FAM168B: variants seen among roughly 807,000 people sequenced by gnomAD.
FAM168B encodes the protein family with sequence similarity 168 member B.
Under a neutral mutation model 21.8 loss-of-function variants are expected in FAM168B, and 19 were observed. The observed-to-expected ratio is 0.87, with a 90% CI of 0.61 to 1.28. The LOEUF is 1.28. Among genes scored for constraint, FAM168B ranks in the 50% most tolerant of loss-of-function variants. FAM168B has a pLI of 0.00. For missense variants in FAM168B, 233 were observed against 263.1 expected (o/e 0.89, Z 0.79); for synonymous variants, 126 against 104.8 (o/e 1.20, Z -1.24).
chr2:131,071,824 C>T (rs774074204), intron 3 of FAM168B, 31 bp downstream of exon 3: 16 of 1,580,128 alleles, frequency 1.0e-5, no homozygotes, highest in African/African-American at 5.4e-5. Context: ...CCCAGCTGTA[C>T]GTACAAAGCA....
chr2:131,078,006 C>T (rs1276579867), intron 2 of FAM168B, among the ~76,000 whole-genome samples: 1 of 152,192 alleles, frequency 6.6e-6, no homozygotes, highest in Non-Finnish European at 1.5e-5. Context: ...TGAAATGCAT[C>T]TAAGCCCAGC....
chr2:131,074,433 C>T lies in FAM168B; in HGVS notation c.71-2495G>A, dbSNP rs115076981. Among the ~76,000 whole-genome samples the T allele has an allele frequency of 5.6e-3, 851 of 152,212 alleles. 5 individuals carry two copies. The highest frequency in any genetic ancestry group is 0.019 in the African/African-American group (780 of 41,534). On this transcript the variant is annotated intron_variant, in intron 2 of 6. Coordinates refer to ENST00000389915, the MANE Select transcript of FAM168B (RefSeq NM_001009993.4). ...TGAGCCACTGCACCTGGCCAGAAAG[C>T]GTTCTTTCTATTTGGGGCACACAGC...
At chr2:131,080,716 C>T (rs1693389888) in intron 2 of FAM168B, among the ~76,000 whole-genome samples, 1 of 150,604 alleles carries the variant, frequency 6.6e-6, no homozygotes, top group Admixed American at 6.6e-5. Context: ...GTCGCCCAGG[C>T]TGGAGTGCAG....
chr2:131,055,118 A>G (rs971629856), intron 5 of FAM168B, among the ~76,000 whole-genome samples, 154 bp downstream of exon 5: 1 of 152,206 alleles, frequency 6.6e-6, no homozygotes, highest in Admixed American at 6.5e-5. Context: ...AAAATAAAAG[A>G]TAACCTGCTG....
chr2:131,091,059 T>A (rs7568668), intron 1 of FAM168B, among the ~76,000 whole-genome samples: 1 of 152,106 alleles, frequency 6.6e-6, no homozygotes, highest in Admixed American at 6.5e-5. Flanking sequence ...AGAAGCTGGA[T>A]ACGGTGGCTC....
intron 2 of FAM168B, among the ~76,000 whole-genome samples, chr2:131,076,137 CTTTT>C (rs1182230618): frequency 1.3e-5 from 2 of 152,200 alleles, no homozygotes; most frequent in African/African-American, 2.4e-5. Flanking sequence ...GCACCAGCCT[CTTTT>C]TTCTCATTCT....
chr2:131,089,509 G>A (rs1302827639), intron 1 of FAM168B, among the ~76,000 whole-genome samples: 13 of 150,950 alleles, frequency 8.6e-5, no homozygotes, highest in Admixed American at 8.6e-4. Flanking sequence ...AAGGCGGGTG[G>A]ATCACAAGGT....
intron 1 of FAM168B, among the ~76,000 whole-genome samples, chr2:131,092,004 C>A (rs7563769): frequency 0.014 from 2,163 of 150,986 alleles, 59 homozygotes; most frequent in African/African-American, 0.049. Flanking sequence ...ATTAGCCAGG[C>A]GTGGTGGCGG....
At chr2:131,072,298 A>G (rs1353903779) in intron 2 of FAM168B, among the ~76,000 whole-genome samples, 2 of 150,972 alleles carry the variant, frequency 1.3e-5, no homozygotes, top group Non-Finnish European at 2.9e-5. Context: ...TAATTTTTCT[A>G]TTTTTAGTAG....
At chr2:131,089,894 T>C (rs973978316) in intron 1 of FAM168B, among the ~76,000 whole-genome samples, 1 of 149,230 alleles carries the variant, frequency 6.7e-6, no homozygotes, top group African/African-American at 2.5e-5. Flanking sequence ...TAGCCAGCGG[T>C]GGTGGTGCAC....
rs1241459680 is a variant in FAM168B at position 131,052,870 on chromosome 2, C to T, written c.*12+21G>A. The T allele has an allele frequency of 3.9e-6, 6 of 1,547,272 alleles. No individual in the cohort carries two copies. The African/African-American group carries it at 8.2e-5, about 21-fold the overall frequency. ...AATGCCCTTTCATCAAAGGCTAGCC[C>T]AGCCTTCCCTGGTCACTTACATTTG... On this transcript the variant is annotated intron_variant, in intron 6 of 6. Coordinates refer to ENST00000389915, the MANE Select transcript of FAM168B (RefSeq NM_001009993.4).
chr2:131,086,841 G>T (rs565068903), intron 1 of FAM168B, among the ~76,000 whole-genome samples: 1 of 129,898 alleles, frequency 7.7e-6, no homozygotes, highest in Non-Finnish European at 1.5e-5. Context: ...CGAGGCGGGC[G>T]GATCACGAGG....
intron 3 of FAM168B, among the ~76,000 whole-genome samples, chr2:131,064,889 G>A (rs1358782739): frequency 2.6e-5 from 4 of 152,132 alleles, no homozygotes; most frequent in East Asian, 1.9e-4. Flanking sequence ...TCAACACATC[G>A]GGGGTAGCTG....
chr2:131,054,270 A>G (rs1332569692), intron 5 of FAM168B, among the ~76,000 whole-genome samples: 1 of 151,946 alleles, frequency 6.6e-6, no homozygotes, highest in African/African-American at 2.4e-5. Context: ...ATTCTAAACT[A>G]CATGAGCTTC....
intron 5 of FAM168B, among the ~76,000 whole-genome samples, chr2:131,054,250 A>G (rs1402202113): frequency 6.6e-6 from 1 of 151,506 alleles, no homozygotes; most frequent in Admixed American, 6.6e-5. Flanking sequence ...AAAAAAAAAA[A>G]GAAATGAGGA....
At chr2:131,065,060 CG>C (rs1161720424) in intron 3 of FAM168B, among the ~76,000 whole-genome samples, 1 of 152,102 alleles carries the variant, frequency 6.6e-6, no homozygotes, top group Non-Finnish European at 1.5e-5. Context: ...AGTGCTGATG[CG>C]GCCACAATAA....
At chr2:131,075,275 TAA>T (rs1172103189) in intron 2 of FAM168B, among the ~76,000 whole-genome samples, 9 of 144,170 alleles carry the variant, frequency 6.2e-5, no homozygotes, top group Non-Finnish European at 4.6e-5. Context: ...TTCCTTCTTT[TAA>T]AAAAAAAAAA....
chr2:131,066,640 A>C (rs1692574935), intron 3 of FAM168B, among the ~76,000 whole-genome samples: 1 of 152,238 alleles, frequency 6.6e-6, no homozygotes, highest in South Asian at 2.1e-4. Context: ...CAGAGGCCTC[A>C]ATGTGCTGGC....
chr2:131,062,461 G>A (rs1053611725), intron 3 of FAM168B, among the ~76,000 whole-genome samples: 2 of 151,994 alleles, frequency 1.3e-5, no homozygotes, highest in African/African-American at 4.8e-5. Flanking sequence ...TTTTGTTTTT[G>A]TTTTGAGACG....
Sources: allele counts gnomAD v4.1 joint callset (sites outside exome capture counted in the v4.1 genomes callset), GRCh38; gene constraint gnomAD v4.1.1; transcripts MANE v1.5; gene names NCBI Gene and HGNC (gene_info 2026-07-23, HGNC 2026-07-21).